The following LRP1B variants were observed in gnomAD, a reference collection of about 807,000 sequenced individuals.
LRP1B encodes low-density lipoprotein receptor-related protein 1B.
A neutral mutation model predicts 556.6 loss-of-function variants in LRP1B; 217 were observed. The observed-to-expected ratio is 0.39, with a 90% CI of 0.35 to 0.44. The LOEUF is 0.44. Among genes scored for constraint, LRP1B ranks in the 20% least tolerant of loss-of-function variants. LRP1B has a pLI of 1.00. For missense variants in LRP1B, 5,053 were observed against 5,620.8 expected, an observed-to-expected ratio of 0.90 and a Z score of 3.23; for synonymous variants, 2,047 against 1,865.8, an observed-to-expected ratio of 1.10 and a Z score of -2.50.
intron 35 of LRP1B, 140 bp from the exon 36 acceptor site, chr2:140,716,956 T>C: frequency 4.8e-6 from 2 of 412,896 alleles, no homozygotes; most frequent in South Asian, 2.0e-4. Flanking sequence ...TTCAGGATAA[T>C]TTACTAATAT....
chr2:141,431,667 G>C (rs1214682157), intron 3 of LRP1B, among the ~76,000 whole-genome samples: 1 of 152,084 alleles, frequency 6.6e-6, no homozygotes, highest in Non-Finnish European at 1.5e-5. Context: ...AGAATGGTGT[G>C]TTTTTAGGAT....
At chr2:140,371,426 A>G in intron 69 of LRP1B, 141 bp from the exon 70 acceptor site, 1 of 393,016 alleles carries the variant, frequency 2.5e-6, no homozygotes, top group Non-Finnish European at 4.6e-6. Flanking sequence ...AATGACTGGT[A>G]TTACAGATTC....
In LRP1B at chr2:141,511,769, T is replaced by G. The variant is rs568615906; in HGVS notation, c.206-31236A>C. ...ATATTCTAGCAAATAAAAAAGGCTT[T>G]CTTTCAGTCAAAAGAATGGCTTTAA... is the stretch of plus-strand genomic sequence containing the variant. On this transcript the variant is annotated intron_variant, in intron 2 of 90. Coordinates refer to ENST00000389484, the MANE Select transcript of LRP1B (RefSeq NM_018557.3). 1.4e-3 allele frequency among the ~76,000 whole-genome samples: 217 copies of G among 152,324 alleles called. 2 individuals are homozygous for G. The highest frequency in any genetic ancestry group is 5.0e-3 in the African/African-American group (209 of 41,582).
At position 141,691,007 on chromosome 2, in the gene LRP1B, C is replaced by A. The variant is rs142252867; in HGVS notation, c.205+119272G>T. On this transcript the variant is annotated intron_variant, in intron 2 of 90. Coordinates refer to ENST00000389484, the MANE Select transcript of LRP1B (RefSeq NM_018557.3). ...ATTTAATTTCTTCGGGGGAAGCCAACAATTTATTGATGTTCTGGCATTTCT... is the reference window on the plus strand; with the variant it reads ...ATTTAATTTCTTCGGGGGAAGCCAAAAATTTATTGATGTTCTGGCATTTCT... Among the ~76,000 whole-genome samples, 349 of 151,762 alleles carry A rather than the reference C, an allele frequency of 2.3e-3. 5 individuals are homozygous for A. The highest frequency in any genetic ancestry group is 8.1e-3 in the African/African-American group (337 of 41,442).
At chr2:141,111,841 C>T (rs550149188) in intron 7 of LRP1B, among the ~76,000 whole-genome samples, 17 of 151,950 alleles carry the variant, frequency 1.1e-4, no homozygotes, top group African/African-American at 3.9e-4. Flanking sequence ...ACAAGGAGAT[C>T]GAGACCATCC....
intron 3 of LRP1B, among the ~76,000 whole-genome samples, chr2:141,306,561 G>C (rs139233164): frequency 2.8e-4 from 42 of 151,988 alleles, no homozygotes; most frequent in African/African-American, 9.2e-4. Context: ...CAATTTTGCT[G>C]ATCTTTTCAA....
At chr2:140,981,397 T>C (rs1696765788) in intron 18 of LRP1B, among the ~76,000 whole-genome samples, 1 of 152,226 alleles carries the variant, frequency 6.6e-6, no homozygotes, top group South Asian at 2.1e-4. Context: ...TGGGTAAAGT[T>C]TTCCCATAGA....
intron 66 of LRP1B, among the ~76,000 whole-genome samples, chr2:140,389,458 T>C (rs1683912314): frequency 6.6e-6 from 1 of 151,438 alleles, no homozygotes; most frequent in Non-Finnish European, 1.5e-5. Context: ...TAATAAAATA[T>C]AGATCAATAT....
chr2:140,952,518 C>CAACAAAAAA (rs1269628313), intron 18 of LRP1B, among the ~76,000 whole-genome samples: 2 of 149,374 alleles, frequency 1.3e-5, no homozygotes, highest in East Asian at 3.9e-4. Context: ...AAAACAACAA[C>CAACAAAAAA]AACAAAAAAA....
rs1408473883 is a variant in LRP1B at position 140,231,790 on chromosome 2, G to A, written c.*1396C>T. ...CATATTTAACATATTTCATCTGTTA[G>A]GTTAATACATTATGACAGCTAAAAG... On this transcript the variant is annotated 3_prime_UTR_variant, in exon 91 of 91. Transcript: ENST00000389484. 1 of 151,584 alleles carries A rather than the reference G, an allele frequency of 6.6e-6. No homozygotes were observed. Among genetic ancestry groups the A allele is most frequent in the Non-Finnish European group, 1.5e-5 (1 of 67,508 alleles). The allele number at this position is 151,584 out of a possible 1,614,324, so 9.4% of individuals were successfully genotyped here. A position where few individuals can be genotyped will look rare whatever the true frequency, so the allele number is the denominator to read the frequency against.
At chr2:141,307,674 G>A (rs577274887) in intron 3 of LRP1B, among the ~76,000 whole-genome samples, 3 of 152,144 alleles carry the variant, frequency 2.0e-5, no homozygotes, top group East Asian at 3.9e-4. Flanking sequence ...AGGAATGCAT[G>A]CCAGGTGGGT....
chr2:142,042,381 A>G (rs556819889), intron 1 of LRP1B, among the ~76,000 whole-genome samples: 1 of 151,574 alleles, frequency 6.6e-6, no homozygotes, highest in East Asian at 2.0e-4. Flanking sequence ...ATTAGGACGG[A>G]AAGTTGAAAA....
intron 18 of LRP1B, among the ~76,000 whole-genome samples, chr2:140,964,829 G>T (rs67557683): frequency 0.22 from 32,679 of 151,954 alleles, 3,651 homozygotes; most frequent in Middle Eastern, 0.28. Flanking sequence ...TGCCTGGGTG[G>T]CTTGCCACCC....
At chr2:141,924,136 G>A (rs530430377) in intron 1 of LRP1B, among the ~76,000 whole-genome samples, 2 of 151,960 alleles carry the variant, frequency 1.3e-5, no homozygotes, top group South Asian at 4.2e-4. Flanking sequence ...CCACTATCCC[G>A]TACCCATATA....
chr2:141,122,493 GA>G (rs1701084500), intron 7 of LRP1B, among the ~76,000 whole-genome samples: 1 of 151,356 alleles, frequency 6.6e-6, no homozygotes, highest in African/African-American at 2.4e-5. Flanking sequence ...ACAGACACAT[GA>G]AAAAATGCTC....
chr2:140,338,245 T>C (rs1681196903), intron 77 of LRP1B, among the ~76,000 whole-genome samples: 2 of 151,886 alleles, frequency 1.3e-5, no homozygotes, highest in Admixed American at 1.3e-4. Flanking sequence ...TAATTCAAAC[T>C]AAATTTATGA....
intron 21 of LRP1B, among the ~76,000 whole-genome samples, chr2:140,916,354 CT>C (rs1694579571): frequency 6.6e-6 from 1 of 152,088 alleles, no homozygotes; most frequent in South Asian, 2.1e-4. Context: ...TCTGTATTCA[CT>C]GATACAACAA....
At chr2:140,858,784 T>C (rs778402556) in intron 27 of LRP1B, among the ~76,000 whole-genome samples, 3 of 151,998 alleles carry the variant, frequency 2.0e-5, no homozygotes, top group South Asian at 2.1e-4. Flanking sequence ...CCACCATGTG[T>C]CCATGTGTTC....
At chr2:140,924,610 T>C (rs1488236110) in intron 20 of LRP1B, among the ~76,000 whole-genome samples, 1 of 152,064 alleles carries the variant, frequency 6.6e-6, no homozygotes, top group African/African-American at 2.4e-5. Context: ...TGAATTGTAA[T>C]AGAAAACCAC....
Sources: allele counts gnomAD v4.1 joint callset (sites outside exome capture counted in the v4.1 genomes callset), GRCh38; gene constraint gnomAD v4.1.1; transcripts MANE v1.5; gene names NCBI Gene and HGNC (gene_info 2026-07-23, HGNC 2026-07-21).